PCDH9: variants seen among roughly 807,000 people sequenced by gnomAD.
The protein encoded by PCDH9 is protocadherin-9.
In PCDH9, 24 loss-of-function variants were observed where a neutral mutation model predicts 70.6. The observed-to-expected ratio is 0.34, with a 90% CI of 0.25 to 0.48. The LOEUF is 0.48. Among genes scored for constraint, PCDH9 ranks in the 20% least tolerant of loss-of-function variants. The pLI, the probability that PCDH9 is intolerant of heterozygous loss-of-function variation, is 0.99. For synonymous variants in PCDH9, 562 were observed against 558.5 expected, an observed-to-expected ratio of 1.01 and a Z score of -0.09; for missense variants, 1,281 against 1,503.6, an observed-to-expected ratio of 0.85 and a Z score of 2.45.
Position 66,996,563 on chromosome 13 carries a change from G to A in PCDH9, c.3037-92958C>T, listed in dbSNP as rs562450325. On this transcript the variant is annotated intron_variant, in intron 2 of 4. Transcript: ENST00000377865. ...TTTGATATGTGAAGAATTTTAATAAGCATTGCTAGTGTGAGAGTGTTTCAA... is the reference window on the plus strand; with the variant it reads ...TTTGATATGTGAAGAATTTTAATAAACATTGCTAGTGTGAGAGTGTTTCAA... 2.0e-5 allele frequency among the ~76,000 whole-genome samples: 3 copies of A among 152,284 alleles called. No homozygotes were observed. In the South Asian group the frequency reaches 6.2e-4, roughly 32 times the overall value.
chr13:66,643,502 T>G (rs2077734217), intron 3 of PCDH9, among the ~76,000 whole-genome samples: 1 of 152,086 alleles, frequency 6.6e-6, no homozygotes, highest in Non-Finnish European at 1.5e-5. Flanking sequence ...CTACTTGCCC[T>G]ATGGCTTTTT....
At chr13:66,760,356 T>A (rs1156940028) in intron 3 of PCDH9, among the ~76,000 whole-genome samples, 2 of 152,152 alleles carry the variant, frequency 1.3e-5, no homozygotes, top group Admixed American at 6.6e-5. Context: ...ATCTACTTGA[T>A]GTCTTTGGAT....
chr13:66,622,345 G>A (rs1234631893), intron 4 of PCDH9, among the ~76,000 whole-genome samples: 1 of 152,214 alleles, frequency 6.6e-6, no homozygotes, highest in Admixed American at 6.5e-5. Context: ...CCCACAGCGT[G>A]GGACTGGCAG....
At chr13:67,030,002 C>G (rs1193093099) in intron 2 of PCDH9, among the ~76,000 whole-genome samples, 1 of 152,124 alleles carries the variant, frequency 6.6e-6, no homozygotes, top group Non-Finnish European at 1.5e-5. Flanking sequence ...ACTTCATTAT[C>G]AGAAAGAGAC....
chr13:66,813,291 C>A (rs944263887), intron 3 of PCDH9, among the ~76,000 whole-genome samples: 10 of 152,090 alleles, frequency 6.6e-5, no homozygotes, highest in Non-Finnish European at 1.5e-4. Context: ...CAAATTTAAC[C>A]ATAAGCAAAG....
chr13:67,135,666 T>C (rs12429101), intron 2 of PCDH9, among the ~76,000 whole-genome samples: 30,354 of 152,008 alleles, frequency 0.2, 3,225 homozygotes, highest in Admixed American at 0.25. Context: ...TCAACAAGAA[T>C]GGACAAGGAG....
intron 4 of PCDH9, among the ~76,000 whole-genome samples, chr13:66,621,035 T>C (rs1018895658): frequency 6.6e-6 from 1 of 152,176 alleles, no homozygotes; most frequent in Admixed American, 6.5e-5. Flanking sequence ...CGAAGATATA[T>C]CAAGGTAACA....
chr13:66,735,063 A>G (rs563402397), intron 3 of PCDH9, among the ~76,000 whole-genome samples: 1 of 152,304 alleles, frequency 6.6e-6, no homozygotes, highest in East Asian at 1.9e-4. Flanking sequence ...GAATATATAT[A>G]GTACTGGGTG....
intron 2 of PCDH9, among the ~76,000 whole-genome samples, chr13:66,965,750 A>G (rs1594322183): frequency 6.6e-6 from 1 of 152,074 alleles, no homozygotes; most frequent in Non-Finnish European, 1.5e-5. Context: ...AACATCATGA[A>G]GGTGATAACA....
At chr13:66,916,102 T>C (rs1470535672) in intron 2 of PCDH9, among the ~76,000 whole-genome samples, 4 of 151,690 alleles carry the variant, frequency 2.6e-5, no homozygotes, top group African/African-American at 7.2e-5. Flanking sequence ...TCAGAGATCA[T>C]TGAATGATGT....
intron 3 of PCDH9, among the ~76,000 whole-genome samples, chr13:66,750,232 GA>G (rs1207386936): frequency 6.6e-6 from 1 of 152,080 alleles, no homozygotes; most frequent in Non-Finnish European, 1.5e-5. Flanking sequence ...GCTAATAGAA[GA>G]AATAGATTCA....
intron 3 of PCDH9, among the ~76,000 whole-genome samples, chr13:66,793,564 T>G (rs1566198058): frequency 6.6e-6 from 1 of 152,152 alleles, no homozygotes; most frequent in Admixed American, 6.5e-5. Context: ...TTATGACGTA[T>G]TTATTTATAA....
intron 2 of PCDH9, chr13:67,213,770 CTG>C (rs1304773729): frequency 1.3e-5 from 2 of 152,056 alleles, no homozygotes; most frequent in African/African-American, 2.4e-5. Flanking sequence ...TCTTATGAAA[CTG>C]TCTTCTTATA....
chr13:67,137,077 C>T (rs919746967), intron 2 of PCDH9, among the ~76,000 whole-genome samples: 1 of 151,758 alleles, frequency 6.6e-6, no homozygotes, highest in Admixed American at 6.6e-5. Flanking sequence ...ACATATGTAG[C>T]AAACCTGCAC....
intron 3 of PCDH9, among the ~76,000 whole-genome samples, chr13:66,863,485 T>G (rs1465888979): frequency 6.6e-6 from 1 of 152,090 alleles, no homozygotes; most frequent in African/African-American, 2.4e-5. Flanking sequence ...TTTTGTTTAT[T>G]TGTTTTGTTT....
intron 4 of PCDH9, among the ~76,000 whole-genome samples, chr13:66,554,172 C>T (rs887772992): frequency 2.0e-5 from 3 of 152,020 alleles, no homozygotes; most frequent in Non-Finnish European, 4.4e-5. Flanking sequence ...GAGCCAATTG[C>T]TAATCAATAG....
intron 4 of PCDH9, among the ~76,000 whole-genome samples, chr13:66,447,346 T>G (rs926910724): frequency 6.6e-6 from 1 of 152,062 alleles, no homozygotes; most frequent in Non-Finnish European, 1.5e-5. Flanking sequence ...ATATTAGGCT[T>G]ATAAATTATA....
intron 3 of PCDH9, among the ~76,000 whole-genome samples, chr13:66,722,923 G>A (rs1407368716): frequency 6.7e-5 from 10 of 149,016 alleles, no homozygotes; most frequent in African/African-American, 2.0e-4. Flanking sequence ...AGCCGAGATC[G>A]TGCCACTGTA....
intron 4 of PCDH9, among the ~76,000 whole-genome samples, chr13:66,479,759 T>C (rs1350348160): frequency 6.6e-6 from 1 of 152,162 alleles, no homozygotes; most frequent in African/African-American, 2.4e-5. Flanking sequence ...GTGCTCTGTG[T>C]CTACCTAAAG....
Sources: allele counts gnomAD v4.1 joint callset (sites outside exome capture counted in the v4.1 genomes callset), GRCh38; gene constraint gnomAD v4.1.1; transcripts MANE v1.5; gene names NCBI Gene and HGNC (gene_info 2026-07-23, HGNC 2026-07-21).